RCBTB2: variants seen among roughly 807,000 people sequenced by gnomAD.
The protein encoded by RCBTB2 is RCC1 and BTB domain containing protein 2, also known as RCC1 and BTB domain-containing protein 2.
A neutral mutation model predicts 65.4 loss-of-function variants in RCBTB2; 55 were observed. That is an observed-to-expected ratio of 0.84 (90% confidence interval 0.68 to 1.05). RCBTB2 has a LOEUF of 1.05. Ranked by LOEUF, RCBTB2 falls within the 50% of genes least tolerant of loss-of-function variation. The pLI is 0.00. For synonymous variants in RCBTB2, 220 were observed against 255.2 expected, an observed-to-expected ratio of 0.86 and a Z score of 1.31; for missense variants, 599 against 680.1, an observed-to-expected ratio of 0.88 and a Z score of 1.33.
Position 48,502,727 on chromosome 13 carries a change from C to T in RCBTB2, c.1114G>A (p.Val372Met), listed in dbSNP as rs151299421. Residue 372 changes from valine (V) to methionine (M), a missense_variant, in exon 11 of 15, where the codon GTG (valine) becomes ATG (methionine). Transcript: ENST00000344532. ...TPAVTWRLLS[V>M]EPDDHLTVAE... ...AAATGGACAGTGACCAGCTTACCCA[C>T]GGAGAGGAGGCGCCACGTGACGGCG... The T allele has an allele frequency of 3.8e-3, 6,172 of 1,609,260 alleles. 30 individuals carry two copies. The highest frequency in any genetic ancestry group is 0.019 in the Middle Eastern group (112 of 5,850).
upstream of RCBTB2, among the ~76,000 whole-genome samples, chr13:48,535,509 G>A (rs2138696950): frequency 2.0e-5 from 3 of 152,236 alleles, no homozygotes; most frequent in South Asian, 6.2e-4. Flanking sequence ...ATCCACCTCA[G>A]CCTCCTAAAG....
At chr13:48,498,046 G>A (rs191672048) in intron 13 of RCBTB2, among the ~76,000 whole-genome samples, 33 of 152,338 alleles carry the variant, frequency 2.2e-4, no homozygotes, top group Middle Eastern at 3.4e-3. Context: ...TTGGCCTTGA[G>A]GCCACATGTG....
upstream of RCBTB2, among the ~76,000 whole-genome samples, chr13:48,533,638 T>G (rs1402169521): frequency 1.3e-5 from 2 of 152,190 alleles, no homozygotes; most frequent in Non-Finnish European, 2.9e-5. Flanking sequence ...TGACCTCAGT[T>G]ACCTTGGGGC....
At position 48,511,156 on chromosome 13, in the gene RCBTB2, C is replaced by T. The variant is rs951830497; in HGVS notation, c.784-385G>A. Among the ~76,000 whole-genome samples, 7 of 151,986 alleles carry T rather than the reference C, an allele frequency of 4.6e-5. No homozygotes were observed. The East Asian group carries it at 9.6e-4, about 21-fold the overall frequency. On this transcript the variant is annotated intron_variant, in intron 9 of 14. Coordinates refer to ENST00000344532, the MANE Select transcript of RCBTB2 (RefSeq NM_001268.4). ...ATAAAAGTACTCTGAATATCAGAGG[C>T]ATTTTTTTTCTATTTCTATATAGAC...
At chr13:48,500,758 G>C (rs946028503) in intron 12 of RCBTB2, among the ~76,000 whole-genome samples, 1 of 152,134 alleles carries the variant, frequency 6.6e-6, no homozygotes, top group African/African-American at 2.4e-5. Flanking sequence ...TTTGATCTGG[G>C]ATTTCCAGCC....
At chr13:48,520,021 A>G (rs1951332845) in intron 4 of RCBTB2, among the ~76,000 whole-genome samples, 1 of 152,206 alleles carries the variant, frequency 6.6e-6, no homozygotes, top group Admixed American at 6.5e-5. Context: ...TCAGGTTTTC[A>G]GATTAAAGAT....
At chr13:48,493,868 T>G (rs1029389914) in intron 14 of RCBTB2, among the ~76,000 whole-genome samples, 2 of 152,072 alleles carry the variant, frequency 1.3e-5, no homozygotes, top group Non-Finnish European at 2.9e-5. Context: ...AGAGCAGAGA[T>G]TTTGGATTGT....
upstream of RCBTB2, among the ~76,000 whole-genome samples, chr13:48,535,002 C>T (rs1359046760): frequency 6.6e-6 from 1 of 152,220 alleles, no homozygotes; most frequent in Non-Finnish European, 1.5e-5. Flanking sequence ...TAGATCCTGT[C>T]TTCCTTACAG....
At chr13:48,507,615 A>G (rs1950570194) in intron 10 of RCBTB2, among the ~76,000 whole-genome samples, 1 of 152,336 alleles carries the variant, frequency 6.6e-6, no homozygotes, top group South Asian at 2.1e-4. Context: ...AAACTGGAAA[A>G]CCTTGAGGGG....
chr13:48,518,141 C>CT (rs1239286577), intron 4 of RCBTB2, among the ~76,000 whole-genome samples: 1 of 152,164 alleles, frequency 6.6e-6, no homozygotes, highest in Non-Finnish European at 1.5e-5. Context: ...GCCTCCAGAA[C>CT]TGTGAGAAAA....
At position 48,526,613 on chromosome 13, in the gene RCBTB2, T is replaced by C. The variant is rs193059758; in HGVS notation, c.-218-1856A>G. ...GCCTAAGCAACAGAGCAAGACTCTG[T>C]CTCTAAGAAAATAAAAATAGCCTGG... On this transcript the variant is annotated intron_variant, in intron 1 of 14. Transcript: ENST00000344532. 7.9e-5 allele frequency among the ~76,000 whole-genome samples: 12 copies of C among 152,160 alleles called. No individual in the cohort carries two copies. The East Asian group carries it at 2.1e-3, about 27-fold the overall frequency.
At chr13:48,517,982 A>G (rs943284) in intron 4 of RCBTB2, among the ~76,000 whole-genome samples, 84,811 of 152,062 alleles carry the variant, frequency 0.56, 27,051 homozygotes, top group African/African-American at 0.89. Flanking sequence ...AGAAGGCCAG[A>G]TGACAACAGA....
chr13:48,527,320 C>CATATATATATATATGAT (rs1951799410), intron 1 of RCBTB2, among the ~76,000 whole-genome samples: 4 of 77,854 alleles, frequency 5.1e-5, no homozygotes, highest in Admixed American at 1.2e-4. Flanking sequence ...TGACTTGGCT[C>CATATATATATATATGAT]ATATATATAT....
In RCBTB2 at chr13:48,496,883, T is replaced by A. The variant is rs111400966; in HGVS notation, c.1385-562A>T. ...GGGGAGACCCTTTCATGGACACGTG[T>A]CTTCCTCCTGTTACCCTATCCCACT... On this transcript the variant is annotated intron_variant, in intron 13 of 14. Transcript: ENST00000344532. Among the ~76,000 whole-genome samples the A allele has an allele frequency of 4.4e-3, 640 of 146,422 alleles. 5 individuals are homozygous for A. Among genetic ancestry groups the A allele is most frequent in the Non-Finnish European group, 6.7e-3 (454 of 67,262 alleles).
chr13:48,532,702 C>T (rs1952221139), intron 1 of RCBTB2: 1 of 270,118 alleles, frequency 3.7e-6, no homozygotes, highest in Admixed American at 5.4e-5. Context: ...GGCCGGCGGC[C>T]TGGGCAGGAT....
upstream of RCBTB2, among the ~76,000 whole-genome samples, chr13:48,535,431 T>C (rs749204399): frequency 9.9e-5 from 15 of 152,100 alleles, no homozygotes; most frequent in Non-Finnish European, 1.9e-4. Flanking sequence ...AATTTTTGAA[T>C]TTTTAATAGA....
chr13:48,492,753 A>G (rs1172968019), intron 14 of RCBTB2, among the ~76,000 whole-genome samples: 2 of 152,018 alleles, frequency 1.3e-5, no homozygotes, highest in Admixed American at 6.5e-5. Context: ...ACTCCTCTTC[A>G]GTCTCCTTTG....
chr13:48,532,075 T>C (rs1952163472), intron 1 of RCBTB2: 1 of 152,246 alleles, frequency 6.6e-6, no homozygotes, highest in African/African-American at 2.4e-5. Flanking sequence ...CGGTACAAAG[T>C]AGCTCCATGA....
At position 48,489,589 on chromosome 13, in the gene RCBTB2, T is replaced by A. The variant is rs1949613707; in HGVS notation, c.*522A>T. On this transcript the variant is annotated 3_prime_UTR_variant, in exon 15 of 15. Coordinates refer to ENST00000344532, the MANE Select transcript of RCBTB2 (RefSeq NM_001268.4). ...AATATGAACCTCAATAATTACAGGC[T>A]GTTTTAAGTTTATTTTGTGAAAGTT... 1 of 152,388 alleles carries A rather than the reference T, an allele frequency of 6.6e-6. No homozygotes were observed. The highest frequency in any genetic ancestry group is 1.5e-5 in the Non-Finnish European group (1 of 68,162). 9.4% of individuals were successfully genotyped at this position (152,388 alleles called of 1,614,324 possible).
Sources: gnomAD v4.1 joint callset for allele counts (sites outside exome capture counted in the v4.1 genomes callset) on GRCh38, gnomAD v4.1.1 for gene constraint, MANE v1.5 for transcripts, NCBI Gene and HGNC (gene_info 2026-07-23, HGNC 2026-07-21) for gene names.